Variants in BCAM observed in about 807,000 individuals in gnomAD.
BCAM encodes basal cell adhesion molecule (Lutheran blood group), also known as basal cell adhesion molecule.
BCAM carries 61 observed loss-of-function variants against 72.4 expected under a neutral mutation model. That is an observed-to-expected ratio of 0.84 (90% CI 0.69 to 1.04). BCAM has a LOEUF of 1.04. BCAM is among the 50% of genes least tolerant of loss of function. The pLI is 0.00. For synonymous variants in BCAM, 408 were observed against 384.2 expected, an observed-to-expected ratio of 1.06 and a Z score of -0.73; for missense variants, 909 against 895.0, an observed-to-expected ratio of 1.02 and a Z score of -0.20.
chr19:44,810,886 C>A (rs570899990), intron 1 of BCAM, among the ~76,000 whole-genome samples: 1 of 151,044 alleles, frequency 6.6e-6, no homozygotes, highest in Non-Finnish European at 1.5e-5. Context: ...GGATGGAGGG[C>A]GAAAGGATCT....
At position 44,818,422 on chromosome 19, in the gene BCAM, C is replaced by A. The variant is rs1968529097; in HGVS notation, c.1079-100C>A. ...GAGGATTACTTGCTGTTCTCTGCTT[C>A]CAACTGTCCATTCATGTTTGCACCC... On this transcript the variant is annotated intron_variant, in intron 8 of 14. Transcript: ENST00000270233. The surrounding 1 kb of genome is among the most constrained non-coding windows in gnomAD (Gnocchi z 4.6). The A allele has an allele frequency of 2.5e-6, 2 of 809,174 alleles. No homozygotes were observed. Among genetic ancestry groups the A allele is most frequent in the Non-Finnish European group, 4.1e-6 (2 of 491,148 alleles). The allele number at this position is 809,174 out of a possible 1,614,324, so 50.1% of individuals were successfully genotyped here.
Position 44,818,689 on chromosome 19 carries a change from C to T in BCAM, c.1194+52C>T. 1 of 1,612,082 alleles carries T rather than the reference C, an allele frequency of 6.2e-7. No homozygotes were observed. Among genetic ancestry groups the T allele is most frequent in the South Asian group, 1.1e-5 (1 of 90,946 alleles). On this transcript the variant is annotated intron_variant, in intron 9 of 14. Transcript: ENST00000270233. The surrounding 1 kb of genome is among the most constrained non-coding windows in gnomAD (Gnocchi z 4.6). ...CCCTGCACTCGCACCCTCCTCTCTC[C>T]CCTCACTCCTCGCCCTCTCACAGCG...
At chr19:44,815,851 C>T (rs1318802713) in intron 8 of BCAM, among the ~76,000 whole-genome samples, 1 of 150,948 alleles carries the variant, frequency 6.6e-6, no homozygotes, top group Non-Finnish European at 1.5e-5. Flanking sequence ...CACACACACA[C>T]ACAAATTAAA....
At chr19:44,820,456 G>T (rs770613713) in intron 13 of BCAM, 2 of 1,236,456 alleles carry the variant, frequency 1.6e-6, no homozygotes. Context: ...ATCCCAGACC[G>T]ATCCCAAAGC....
rs773915365 is a variant in BCAM, at chr19:44,820,708, G to T, written c.1767G>T (p.Pro589=). The change falls in exon 14 of 15, where the codon CCG becomes CCT. Residue 589 remains proline (P), a synonymous_variant. Transcript: ENST00000270233. ...CRQRREKGAP[P]PGEPGLSHSG... ...GCCCGCTGCCTCCTCCCCCCAGGCC[G>T]CCAGGGGAGCCAGGGCTGAGCCACT... 2.2e-6 allele frequency: 3 copies of T among 1,380,532 alleles called. No homozygotes were observed. Among genetic ancestry groups the T allele is most frequent in the Non-Finnish European group, 1.9e-6 (2 of 1,060,226 alleles). The allele number at this position is 1,380,532 out of a possible 1,614,324, so 85.5% of individuals were successfully genotyped here. A position where few individuals can be genotyped will look rare whatever the true frequency, so the allele number is the denominator to read the frequency against.
Position 44,810,866 on chromosome 19 carries a change from CAGGGAGA to C in BCAM, c.83-353_83-347del, listed in dbSNP as rs546269125. Among the ~76,000 whole-genome samples, 50 of 151,832 alleles carry C rather than the reference CAGGGAGA, an allele frequency of 3.3e-4. 1 individual carries two copies. The South Asian group carries it at 6.0e-3, about 18-fold the overall frequency. Reference sequence around the variant, plus strand: ...GAGATGGATTTGAGACCCAGAGATGCAGGGAGAAGGGATGGAGGGCGAAAGGATCTCA... The same window carrying C: ...GAGATGGATTTGAGACCCAGAGATGCAGGGATGGAGGGCGAAAGGATCTCA... On this transcript the variant is annotated intron_variant, in intron 1 of 14. Coordinates refer to ENST00000270233, the MANE Select transcript of BCAM (RefSeq NM_005581.5).
Position 44,821,314 on chromosome 19 carries a change from C to A in BCAM, c.*393C>A, listed in dbSNP as rs559074081. 1.6e-4 allele frequency: 32 copies of A among 203,914 alleles called. No individual in the cohort carries two copies. The highest frequency in any genetic ancestry group is 4.9e-4 in the African/African-American group (21 of 42,598). The allele number at this position is 203,914 out of a possible 1,614,324, so 12.6% of individuals were successfully genotyped here. ...CAGAGTCTGACACTGGATTCCCCCC[C>A]CTCACCCCGCCCCTGGTCCCACTCC... On this transcript the variant is annotated 3_prime_UTR_variant, in exon 15 of 15. Transcript: ENST00000270233.
At chr19:44,811,169 T>C in intron 1 of BCAM, 56 bp from the exon 2 acceptor site, 1 of 1,608,530 alleles carries the variant, frequency 6.2e-7, no homozygotes, top group Non-Finnish European at 8.5e-7. Flanking sequence ...GGGGACCCTG[T>C]CTGGAGGGCT....
rs1968442605 is a variant in BCAM, at chr19:44,812,764, A to G, written c.504+216A>G. On this transcript the variant is annotated intron_variant, in intron 4 of 14. Transcript: ENST00000270233. The surrounding 1 kb of genome is among the most constrained non-coding windows in gnomAD (Gnocchi z 5.3). ...CAGGAGTTCCAGACCAGCCTGGCCA[A>G]CATAATGAAACCCCGTCTCTACTAA... is the stretch of plus-strand genomic sequence containing the variant. The G allele has an allele frequency of 5.3e-6, 3 of 568,894 alleles. No homozygotes were observed. Among genetic ancestry groups the G allele is most frequent in the Non-Finnish European group, 9.3e-6 (3 of 321,252 alleles). The allele number at this position is 568,894 out of a possible 1,614,324, so 35.2% of individuals were successfully genotyped here. A position where few individuals can be genotyped will look rare whatever the true frequency, so the allele number is the denominator to read the frequency against.
Position 44,812,280 on chromosome 19 carries a change from G to C in BCAM, c.322G>C (p.Gly108Arg). The C allele has an allele frequency of 5.6e-6, 9 of 1,611,302 alleles. No homozygotes were observed. The highest frequency in any genetic ancestry group is 7.6e-6 in the Non-Finnish European group (9 of 1,178,350). Residue 108 changes from glycine to arginine, a missense_variant, in exon 3 of 15, where the codon GGG (glycine) becomes CGG (arginine). Coordinates refer to ENST00000270233, the MANE Select transcript of BCAM (RefSeq NM_005581.5). The surrounding 1 kb of genome is among the most constrained non-coding windows in gnomAD (Gnocchi z 5.3). ...RSPPYQLDSQ[G>R]RLVLAEAQVG... The stretch of plus-strand genomic sequence containing the variant: ...TCCCCCATACCAGCTGGACTCCCAG[G>C]GGCGCCTGGTGCTGGCTGAGGCCCA...
In BCAM at chr19:44,819,387, C is replaced by T; in HGVS notation, c.1515C>T (p.Ser505=). Residue 505 remains serine, a synonymous_variant, in exon 12 of 15, where the codon AGC becomes AGT. Coordinates refer to ENST00000270233, the MANE Select transcript of BCAM (RefSeq NM_005581.5). ...CCGGACGGCAGGGTTGGGTGAGCAGCTCTCTGACCCTGAAAGTGACCAGCG... is the reference window on the plus strand; with the variant it reads ...CCGGACGGCAGGGTTGGGTGAGCAGTTCTCTGACCCTGAAAGTGACCAGCG... ...PIPGRQGWVS[S]SLTLKVTSAL... 1 of 1,614,102 alleles carries T rather than the reference C, an allele frequency of 6.2e-7. No homozygotes were observed. The highest frequency in any genetic ancestry group is 2.2e-5 in the East Asian group (1 of 44,884).
At position 44,814,117 on chromosome 19, in the gene BCAM, T is replaced by G; in HGVS notation, c.785-35T>G. ...TGTCCTCTAGCCTTGACCCTTCCCC[T>G]GATCACAATTCCCATCTCCCTGCCC... On this transcript the variant is annotated intron_variant, in intron 6 of 14. Transcript: ENST00000270233. The surrounding 1 kb of genome is among the most constrained non-coding windows in gnomAD (Gnocchi z 4.6). 9 of 1,554,140 alleles carry G rather than the reference T, an allele frequency of 5.8e-6. No homozygotes were observed. The highest frequency in any genetic ancestry group is 7.8e-6 in the Non-Finnish European group (9 of 1,157,916).
Position 44,813,406 on chromosome 19 carries a change from G to A in BCAM, c.602-32G>A. On this transcript the variant is annotated intron_variant, in intron 5 of 14. Coordinates refer to ENST00000270233, the MANE Select transcript of BCAM (RefSeq NM_005581.5). This position sits in a 1 kb window ranked among gnomAD's most constrained non-coding sequence, Gnocchi z 4.2. ...GGGGTGGGTGGCGGGGCTATGGCCT[G>A]GCTGACTGCCACCTCCCCCGATCTC... The A allele has an allele frequency of 6.2e-6, 10 of 1,608,092 alleles. No homozygotes were observed. Among genetic ancestry groups the A allele is most frequent in the Non-Finnish European group, 8.5e-6 (10 of 1,176,972 alleles).
At position 44,812,163 on chromosome 19, in the gene BCAM, A is replaced by ACCGAC; in HGVS notation, c.207_211dup (p.Arg71ProfsTer10). On this transcript the variant is annotated frameshift_variant and splice_region_variant, in exon 3 of 15. Transcript: ENST00000270233. LOFTEE classifies it high-confidence loss of function. The surrounding 1 kb of genome is among the most constrained non-coding windows in gnomAD (Gnocchi z 5.3). Reference sequence around the variant, plus strand: ...CTGAGAGCCTGCCCCGCGCCCACAGACCGACCGCTCGGGAGCTCGCCCCCG... The same window carrying ACCGAC: ...CTGAGAGCCTGCCCCGCGCCCACAGACCGACCCGACCGCTCGGGAGCTCGCCCCCG... 1 of 1,598,938 alleles carries ACCGAC rather than the reference A, an allele frequency of 6.3e-7. No individual in the cohort carries two copies. The highest frequency in any genetic ancestry group is 8.5e-7 in the Non-Finnish European group (1 of 1,176,444).
chr19:44,821,122 G>T lies in BCAM; in HGVS notation c.*201G>T. The T allele has an allele frequency of 3.3e-6, 2 of 598,184 alleles. No individual in the cohort carries two copies. Among genetic ancestry groups the T allele is most frequent in the Non-Finnish European group, 5.2e-6 (2 of 382,560 alleles). The allele number at this position is 598,184 out of a possible 1,614,324, so 37.1% of individuals were successfully genotyped here. ...GGAGGGAAGGAGAGGGAGGGTGGGTGGGTGGGAGGGGGCCTTCCTCCAGGG... is the reference window on the plus strand; with the variant it reads ...GGAGGGAAGGAGAGGGAGGGTGGGTTGGTGGGAGGGGGCCTTCCTCCAGGG... On this transcript the variant is annotated 3_prime_UTR_variant, in exon 15 of 15. Coordinates refer to ENST00000270233, the MANE Select transcript of BCAM (RefSeq NM_005581.5).
chr19:44,813,310 G>A lies in BCAM; in HGVS notation c.565G>A (p.Gly189Arg), dbSNP rs749304808. 9.9e-6 allele frequency: 16 copies of A among 1,613,938 alleles called. No individual in the cohort carries two copies. Among genetic ancestry groups the A allele is most frequent in the South Asian group, 2.2e-5 (2 of 91,074 alleles). ...CCCCAAGATCACGTGGTATCGCAAC[G>A]GGCAGCGCCTGGAGGTGCCCGTAGA... ...PAPKITWYRN[G>R]QRLEVPVEMN... Residue 189 changes from glycine (G) to arginine (R), a missense_variant, in exon 5 of 15, where the codon GGG becomes AGG. Gly to Arg is a moderately radical substitution (Grantham distance 125, BLOSUM62 -2). Coordinates refer to ENST00000270233, the MANE Select transcript of BCAM (RefSeq NM_005581.5). The surrounding 1 kb of genome is among the most constrained non-coding windows in gnomAD (Gnocchi z 4.2).
rs1968540039 is a variant in BCAM at position 44,818,957 on chromosome 19, T to A, written c.1336+75T>A. 6.3e-7 allele frequency: 1 copy of A among 1,597,560 alleles called. No individual in the cohort carries two copies. The highest frequency in any genetic ancestry group is 8.5e-7 in the Non-Finnish European group (1 of 1,170,272). On this transcript the variant is annotated intron_variant, in intron 10 of 14. Coordinates refer to ENST00000270233, the MANE Select transcript of BCAM (RefSeq NM_005581.5). This position sits in a 1 kb window ranked among gnomAD's most constrained non-coding sequence, Gnocchi z 4.6. ...TGGGACCTGGACAAACAGGACGAGT[T>A]CCTGAGTCCCTGGCTGGGGACTCCA...
At chr19:44,815,853 C>A (rs117262146) in intron 8 of BCAM, among the ~76,000 whole-genome samples, 3,049 of 151,126 alleles carry the variant, frequency 0.02, 49 homozygotes, top group South Asian at 0.039. Context: ...CACACACACA[C>A]AAATTAAAAA....
intron 1 of BCAM, among the ~76,000 whole-genome samples, chr19:44,809,629 G>A (rs1319974228): frequency 6.6e-6 from 1 of 152,126 alleles, no homozygotes; most frequent in East Asian, 1.9e-4. Flanking sequence ...CAAGTTTTGA[G>A]AGGTCCAGGG....
Sources: gnomAD v4.1 joint callset for allele counts (sites outside exome capture counted in the v4.1 genomes callset) on GRCh38, gnomAD v4.1.1 for gene constraint, Gnocchi (gnomAD v3.1) non-coding constraint, MANE v1.5 for transcripts, NCBI Gene and HGNC (gene_info 2026-07-23, HGNC 2026-07-21) for gene names.